Variants in SETBP1 observed in about 807,000 individuals in gnomAD.
SETBP1 encodes SET-binding protein.
SETBP1 carries 9 observed loss-of-function variants against 101.0 expected under a neutral mutation model. The observed-to-expected ratio is 0.09, with a 90% CI of 0.05 to 0.16. The LOEUF is 0.16. Among genes scored for constraint, SETBP1 ranks in the 10% least tolerant of loss-of-function variants. SETBP1 has a pLI of 1.00. For missense variants in SETBP1, 1,858 were observed against 2,033.8 expected, an observed-to-expected ratio of 0.91 and a Z score of 1.66; for synonymous variants, 818 against 788.5, an observed-to-expected ratio of 1.04 and a Z score of -0.63.
intron 2 of SETBP1, among the ~76,000 whole-genome samples, chr18:44,752,622 C>G (rs1237524225): frequency 6.6e-6 from 1 of 152,078 alleles, no homozygotes; most frequent in Non-Finnish European, 1.5e-5. Context: ...TTATATGTTA[C>G]TTTAAGGGAT....
chr18:44,701,066 T>C (rs941740406), intron 1 of SETBP1, 109 bp from the exon 2 acceptor site: 71 of 333,932 alleles, frequency 2.1e-4, no homozygotes, highest in Non-Finnish European at 3.4e-4. Flanking sequence ...CATCATTTCT[T>C]TTTTCCGGAT....
intron 2 of SETBP1, among the ~76,000 whole-genome samples, chr18:44,859,547 T>C (rs985978137): frequency 2.0e-5 from 3 of 152,222 alleles, no homozygotes; most frequent in Non-Finnish European, 4.4e-5. Flanking sequence ...AGGTGAGTTA[T>C]TTAAGCAGTT....
At chr18:44,924,604 A>G (rs559300572) in intron 3 of SETBP1, among the ~76,000 whole-genome samples, 1 of 152,274 alleles carries the variant, frequency 6.6e-6, no homozygotes, top group African/African-American at 2.4e-5. Flanking sequence ...TTTTCCTACC[A>G]TGCCCCCTGT....
intron 4 of SETBP1, among the ~76,000 whole-genome samples, chr18:45,019,441 T>C (rs1251574544): frequency 6.6e-6 from 1 of 152,226 alleles, no homozygotes; most frequent in Admixed American, 6.5e-5. Flanking sequence ...ATACATTGAC[T>C]CATGTATTTA....
intron 4 of SETBP1, among the ~76,000 whole-genome samples, chr18:44,971,195 G>A (rs1216765099): frequency 2.6e-5 from 4 of 152,096 alleles, no homozygotes; most frequent in Non-Finnish European, 4.4e-5. Flanking sequence ...TCCCTACAAA[G>A]GACACGAACT....
chr18:44,877,508 C>T, intron 3 of SETBP1: 1 of 302,514 alleles, frequency 3.3e-6, no homozygotes. Flanking sequence ...CCACTCGTAA[C>T]AGTATCTTTC....
intron 2 of SETBP1, among the ~76,000 whole-genome samples, chr18:44,845,607 C>T (rs910465525): frequency 2.6e-5 from 4 of 152,226 alleles, no homozygotes; most frequent in Admixed American, 1.3e-4. Context: ...CTGTTTGGCC[C>T]ATTTCCATGC....
At chr18:44,876,352 C>A (rs981468301) in intron 3 of SETBP1, among the ~76,000 whole-genome samples, 1 of 152,156 alleles carries the variant, frequency 6.6e-6, no homozygotes, top group Non-Finnish European at 1.5e-5. Flanking sequence ...CCCACACCCC[C>A]ACACCCCTAT....
chr18:44,929,521 T>C (rs1251626501), intron 3 of SETBP1, among the ~76,000 whole-genome samples: 1 of 152,208 alleles, frequency 6.6e-6, no homozygotes, highest in Non-Finnish European at 1.5e-5. Context: ...TAAATTACCT[T>C]GGGCAATATG....
In SETBP1 at chr18:45,047,569, T is replaced by C. The variant is rs901091937; in HGVS notation, c.4171+8914T>C. ...TGTGCATTGGGTTTTCTGTAATTAA[T>C]GGAGAGTTTTTGAAAAACTTCTTGG... On this transcript the variant is annotated intron_variant, in intron 5 of 5. Coordinates refer to ENST00000649279, the MANE Select transcript of SETBP1 (RefSeq NM_015559.3). Among the ~76,000 whole-genome samples, 5 of 152,194 alleles carry C rather than the reference T, an allele frequency of 3.3e-5. No individual in the cohort carries two copies. In the East Asian group the frequency reaches 7.7e-4, roughly 23 times the overall value.
intron 1 of SETBP1, among the ~76,000 whole-genome samples, chr18:44,699,895 C>T (rs2069087157): frequency 6.6e-6 from 1 of 152,160 alleles, no homozygotes; most frequent in South Asian, 2.1e-4. Flanking sequence ...CTTGGTTATT[C>T]TGAATATGTC....
At chr18:44,844,355 A>G (rs72909518) in intron 2 of SETBP1, among the ~76,000 whole-genome samples, 533 of 29,900 alleles carry the variant, frequency 0.018, 6 homozygotes, top group Middle Eastern at 0.043. Flanking sequence ...ACACGCGCGC[A>G]CACACACACA....
chr18:44,992,826 C>T (rs921124855), intron 4 of SETBP1, among the ~76,000 whole-genome samples: 2 of 151,926 alleles, frequency 1.3e-5, no homozygotes, highest in Admixed American at 6.6e-5. Flanking sequence ...CAGGATGGAA[C>T]ATTGATCACT....
At chr18:45,045,542 A>C (rs1000426524) in intron 5 of SETBP1, among the ~76,000 whole-genome samples, 2 of 151,290 alleles carry the variant, frequency 1.3e-5, no homozygotes, top group Non-Finnish European at 2.9e-5. Context: ...GCCCAAAGGG[A>C]CTTGTCTCCT....
intron 3 of SETBP1, among the ~76,000 whole-genome samples, chr18:44,935,174 G>A (rs1025133377): frequency 6.6e-6 from 1 of 152,174 alleles, no homozygotes; most frequent in African/African-American, 2.4e-5. Context: ...AAATGAGTGA[G>A]GCACCAAATG....
rs926936402 is a variant in SETBP1 at position 45,066,021 on chromosome 18, T to G, written c.*2323T>G. 6 of 152,256 alleles carry G rather than the reference T, an allele frequency of 3.9e-5. No individual in the cohort carries two copies. The highest frequency in any genetic ancestry group is 7.2e-5 in the African/African-American group (3 of 41,462). The allele number at this position is 152,256 out of a possible 1,614,324, so 9.4% of individuals were successfully genotyped here. ...TCCTTTTTTCTTTCGTTTGCCCTTCTTCCTTCCTGTGTTGTACTATCTCTC... is the reference window on the plus strand; with the variant it reads ...TCCTTTTTTCTTTCGTTTGCCCTTCGTCCTTCCTGTGTTGTACTATCTCTC... On this transcript the variant is annotated 3_prime_UTR_variant, in exon 6 of 6. Transcript: ENST00000649279.
intron 2 of SETBP1, among the ~76,000 whole-genome samples, chr18:44,702,589 G>A (rs1443854050): frequency 1.3e-5 from 2 of 152,066 alleles, no homozygotes; most frequent in Non-Finnish European, 2.9e-5. Context: ...TTCTTTGTTT[G>A]CATTAGTTTT....
In SETBP1 at chr18:44,900,372, A is replaced by G. The variant is rs985473169; in HGVS notation, c.540+31089A>G. ...TAAATTGGAGAACAAACTTAAGAAG[A>G]ATCCATCAATTGACTGTTGATCATT... is the stretch of plus-strand genomic sequence containing the variant. On this transcript the variant is annotated intron_variant, in intron 3 of 5. Transcript: ENST00000649279. Among the ~76,000 whole-genome samples, 71 of 152,322 alleles carry G rather than the reference A, an allele frequency of 4.7e-4. 1 individual carries two copies. The highest frequency in any genetic ancestry group is 1.6e-3 in the African/African-American group (68 of 41,572).
At position 44,701,227 on chromosome 18, in the gene SETBP1, C is replaced by A; in HGVS notation, c.-120C>A. 1 of 1,129,162 alleles carries A rather than the reference C, an allele frequency of 8.9e-7. No individual in the cohort carries two copies. Among genetic ancestry groups the A allele is most frequent in the Non-Finnish European group, 1.2e-6 (1 of 814,126 alleles). The allele number at this position is 1,129,162 out of a possible 1,614,324, so 69.9% of individuals were successfully genotyped here. On this transcript the variant is annotated 5_prime_UTR_variant, in exon 2 of 6. The change creates a new upstream start codon in the 5' untranslated region. Coordinates refer to ENST00000649279, the MANE Select transcript of SETBP1 (RefSeq NM_015559.3). ...TCATCGTGTCTCCATCCCTGGGAAT[C>A]TGACCCTAGCAACTGGACCACTTTG... is the stretch of plus-strand genomic sequence containing the variant.
Sources: allele counts gnomAD v4.1 joint callset (sites outside exome capture counted in the v4.1 genomes callset), GRCh38; gene constraint gnomAD v4.1.1; transcripts MANE v1.5; gene names NCBI Gene and HGNC (gene_info 2026-07-23, HGNC 2026-07-21).